The following ACTR3C variants were observed in gnomAD, a reference collection of about 807,000 sequenced individuals.
ACTR3C encodes the protein actin-related protein 3C.
Under a neutral mutation model 26.3 loss-of-function variants are expected in ACTR3C, and 18 were observed. The observed-to-expected ratio is 0.68, with a 90% CI of 0.47 to 1.01. ACTR3C has a LOEUF of 1.01. Ranked by LOEUF, ACTR3C falls within the 50% of genes least tolerant of loss-of-function variation. The pLI is 0.00. For synonymous variants in ACTR3C, 55 were observed against 94.5 expected (o/e 0.58, Z 2.42); for missense variants, 184 against 250.7 (o/e 0.73, Z 1.80).
At chr7:150,124,352 C>A in the ACTR3C span, among the ~76,000 whole-genome samples, 1 of 152,136 alleles carries the variant, frequency 6.6e-6, no homozygotes, top group African/African-American at 2.4e-5. Context: ...CTTCTGGATC[C>A]CTGGAGGGAT....
the ACTR3C span, among the ~76,000 whole-genome samples, chr7:149,991,294 T>A: frequency 6.6e-6 from 1 of 152,222 alleles, no homozygotes; most frequent in Non-Finnish European, 1.5e-5. Flanking sequence ...TTATGGGAGC[T>A]ACAATTCAGA....
At chr7:150,198,372 C>G in the ACTR3C span, among the ~76,000 whole-genome samples, 23 of 148,530 alleles carry the variant, frequency 1.5e-4, no homozygotes, top group Non-Finnish European at 3.0e-4. Flanking sequence ...CGTCTGCGCC[C>G]GGCCGCCATC....
the ACTR3C span, among the ~76,000 whole-genome samples, chr7:150,186,516 G>T: frequency 6.6e-6 from 1 of 152,092 alleles, no homozygotes; most frequent in African/African-American, 2.4e-5. Context: ...TAAAAAACAC[G>T]TTCTGGCCAC....
At chr7:150,270,513 A>C (rs1265063635) in intron 6 of ACTR3C, among the ~76,000 whole-genome samples, 1 of 148,366 alleles carries the variant, frequency 6.7e-6, no homozygotes, top group East Asian at 2.0e-4. Flanking sequence ...CAGAACACAC[A>C]CCTGGCAGTC....
chr7:149,941,530 C>A, the ACTR3C span, among the ~76,000 whole-genome samples: 1 of 152,156 alleles, frequency 6.6e-6, no homozygotes, highest in East Asian at 1.9e-4. Context: ...GCTTGTTTAA[C>A]CCCTTAGCTC....
At chr7:150,017,188 C>A in the ACTR3C span, among the ~76,000 whole-genome samples, 1 of 151,788 alleles carries the variant, frequency 6.6e-6, no homozygotes, top group Non-Finnish European at 1.5e-5. Context: ...CCTTGTACTC[C>A]TTCTCCATGC....
At chr7:150,314,159 G>C (rs554245702) in intron 1 of ACTR3C, among the ~76,000 whole-genome samples, 3 of 152,260 alleles carry the variant, frequency 2.0e-5, no homozygotes, top group Middle Eastern at 6.8e-3. Flanking sequence ...TGTCTCCTAG[G>C]GTCAGTGGCA....
At chr7:150,120,043 A>G in the ACTR3C span, among the ~76,000 whole-genome samples, 1 of 152,230 alleles carries the variant, frequency 6.6e-6, no homozygotes, top group African/African-American at 2.4e-5. Context: ...CAATGAGAAC[A>G]AAGACACAAT....
At chr7:150,239,066 C>G (rs963372824), downstream of ACTR3C, among the ~76,000 whole-genome samples, 3 of 152,102 alleles carry the variant, frequency 2.0e-5, no homozygotes, top group South Asian at 2.1e-4. Context: ...CATCCACCAT[C>G]GCTGTATGTC....
the ACTR3C span, among the ~76,000 whole-genome samples, chr7:150,195,813 A>G: frequency 6.6e-6 from 1 of 152,246 alleles, no homozygotes; most frequent in Non-Finnish European, 1.5e-5. Flanking sequence ...TGGGAGGCAG[A>G]GGTTGCAGTG....
At chr7:149,988,485 CCT>C in the ACTR3C span, among the ~76,000 whole-genome samples, 2 of 152,196 alleles carry the variant, frequency 1.3e-5, no homozygotes, top group Admixed American at 1.3e-4. Flanking sequence ...ATGTAAATTC[CCT>C]GAGATGACTG....
chr7:149,899,847 CA>C, the ACTR3C span, among the ~76,000 whole-genome samples: 1 of 130,378 alleles, frequency 7.7e-6, no homozygotes, highest in Non-Finnish European at 1.7e-5. Context: ...CAAAACAAAA[CA>C]AAAAAAATCC....
At chr7:150,175,857 G>T in the ACTR3C span, among the ~76,000 whole-genome samples, 129 of 147,732 alleles carry the variant, frequency 8.7e-4, 10 homozygotes, top group African/African-American at 3.2e-3. Flanking sequence ...AGGAAGGAAG[G>T]GAAAGAAAAG....
the ACTR3C span, among the ~76,000 whole-genome samples, chr7:149,949,141 C>T: frequency 4.0e-4 from 59 of 145,790 alleles, no homozygotes; most frequent in Non-Finnish European, 6.9e-4. Context: ...CATGGTGAAA[C>T]CCTTTCTCTA....
chr7:149,993,929 G>A, the ACTR3C span, among the ~76,000 whole-genome samples: 1 of 152,304 alleles, frequency 6.6e-6, no homozygotes, highest in Admixed American at 6.5e-5. Context: ...ATAAAATCCT[G>A]TGGATGGCTT....
At chr7:150,116,205 C>T in the ACTR3C span, among the ~76,000 whole-genome samples, 1 of 152,166 alleles carries the variant, frequency 6.6e-6, no homozygotes, top group Middle Eastern at 3.2e-3. Context: ...TATGCGAATG[C>T]AAAACTCAGC....
chr7:149,965,880 C>T, the ACTR3C span, among the ~76,000 whole-genome samples: 128 of 152,270 alleles, frequency 8.4e-4, 1 homozygote, highest in Admixed American at 3.0e-3. Context: ...CCACCCTCTC[C>T]CCAACTTAAA....
chr7:150,297,790 T>C (rs1397253441), intron 1 of ACTR3C, among the ~76,000 whole-genome samples: 2 of 148,752 alleles, frequency 1.3e-5, no homozygotes, highest in African/African-American at 2.5e-5. Flanking sequence ...AGGCGGAGGT[T>C]GCAGTGAGCT....
chr7:150,289,602 G>A lies in ACTR3C; in HGVS notation c.154-9C>T. On this transcript the variant is annotated splice_polypyrimidine_tract_variant and intron_variant, in intron 3 of 7. Coordinates refer to ENST00000683684, the MANE Select transcript of ACTR3C (RefSeq NM_001164458.2). ...ATTACATAACCTTCTGCCTAGGGAA[G>A]AAGAGGAGGCAGAACAGCTGTGTTA... 6.4e-7 allele frequency: 1 copy of A among 1,564,770 alleles called. No individual in the cohort carries two copies. Among genetic ancestry groups the A allele is most frequent in the Non-Finnish European group, 8.7e-7 (1 of 1,153,352 alleles).
Sources: allele counts gnomAD v4.1 joint callset (sites outside exome capture counted in the v4.1 genomes callset), GRCh38; gene constraint gnomAD v4.1.1; transcripts MANE v1.5; gene names NCBI Gene and HGNC (gene_info 2026-07-23, HGNC 2026-07-21).